The following ZFHX3 variants were observed in gnomAD, a reference collection of about 807,000 sequenced individuals.
ZFHX3 encodes zinc finger homeobox protein 3.
ZFHX3 carries 42 observed loss-of-function variants against 279.1 expected under a neutral mutation model. The ratio of observed to expected loss-of-function variants is 0.15; its 90% CI spans 0.12 to 0.19. ZFHX3 has a LOEUF of 0.19. Among genes scored for constraint, ZFHX3 ranks in the 10% least tolerant of loss-of-function variants. The probability of loss-of-function intolerance (pLI) is 1.00; values close to 1 mark genes in which losing one functional copy is unlikely to be tolerated. For missense variants in ZFHX3, 4,981 were observed against 4,754.0 expected, an observed-to-expected ratio of 1.05 and a Z score of -1.40; for synonymous variants, 2,293 against 1,957.8, an observed-to-expected ratio of 1.17 and a Z score of -4.52.
chr16:72,972,779 C>T (rs1316386632), intron 1 of ZFHX3, among the ~76,000 whole-genome samples: 1 of 152,082 alleles, frequency 6.6e-6, no homozygotes, highest in Non-Finnish European at 1.5e-5. Flanking sequence ...GAAATCTTCC[C>T]CCACTTCACT....
intron 4 of ZFHX3, among the ~76,000 whole-genome samples, chr16:73,273,903 G>A (rs148706113): frequency 0.021 from 3,124 of 152,322 alleles, 46 homozygotes; most frequent in Middle Eastern, 0.044. Flanking sequence ...AGCACTTTGG[G>A]AGGCCGAGGC....
chr16:72,986,543 A>G (rs929334598), intron 1 of ZFHX3, among the ~76,000 whole-genome samples: 1 of 152,194 alleles, frequency 6.6e-6, no homozygotes, highest in South Asian at 2.1e-4. Context: ...TATCATGCCC[A>G]AGGCACCCAT....
intron 9 of ZFHX3, 88 bp from the exon 10 acceptor site, chr16:72,788,936 C>G: frequency 1.3e-6 from 2 of 1,485,556 alleles, no homozygotes; most frequent in East Asian, 4.6e-5. Context: ...CACTGGCACA[C>G]AGTTTGAGAT....
At chr16:73,856,021 A>G (rs367688799) in intron 1 of ZFHX3, among the ~76,000 whole-genome samples, 1 of 152,226 alleles carries the variant, frequency 6.6e-6, no homozygotes, top group South Asian at 2.1e-4. Flanking sequence ...GGAGCCACTA[A>G]AAAAATCAGG....
At chr16:73,765,656 A>G (rs1266776221) in intron 1 of ZFHX3, among the ~76,000 whole-genome samples, 1 of 152,266 alleles carries the variant, frequency 6.6e-6, no homozygotes, top group African/African-American at 2.4e-5. Flanking sequence ...AAGGCCAGTT[A>G]TCAGTCCAAA....
At chr16:73,323,722 G>C (rs1395002971) in intron 3 of ZFHX3, among the ~76,000 whole-genome samples, 1 of 152,182 alleles carries the variant, frequency 6.6e-6, no homozygotes. Context: ...GTCAGGAAAA[G>C]GGAGGAGGAG....
intron 1 of ZFHX3, among the ~76,000 whole-genome samples, chr16:73,883,848 T>C (rs1239849494): frequency 6.6e-6 from 1 of 151,994 alleles, no homozygotes; most frequent in Non-Finnish European, 1.5e-5. Flanking sequence ...TCTCCATAAG[T>C]GAGTAGGACA....
chr16:73,562,487 T>C (rs113511624), intron 2 of ZFHX3, among the ~76,000 whole-genome samples: 1 of 150,706 alleles, frequency 6.6e-6, no homozygotes. Flanking sequence ...TCCCAGCTAC[T>C]CCGGAGGCTG....
chr16:73,881,200 G>T (rs1455396407), intron 1 of ZFHX3, among the ~76,000 whole-genome samples: 1 of 152,024 alleles, frequency 6.6e-6, no homozygotes, highest in African/African-American at 2.4e-5. Flanking sequence ...CAGCTTGTGC[G>T]GTCCGCTGAT....
At chr16:73,416,753 A>T (rs1384838235) in intron 3 of ZFHX3, among the ~76,000 whole-genome samples, 3 of 146,386 alleles carry the variant, frequency 2.0e-5, no homozygotes, top group African/African-American at 7.3e-5. Context: ...GGGCGCCTGT[A>T]GTCCCAGCTA....
chr16:73,252,603 A>G (rs2013543161), intron 5 of ZFHX3, among the ~76,000 whole-genome samples: 1 of 152,178 alleles, frequency 6.6e-6, no homozygotes, highest in Non-Finnish European at 1.5e-5. Context: ...TCAGAGCCCC[A>G]TGCAGAAGCA....
At chr16:73,293,792 G>A (rs1176084696) in intron 4 of ZFHX3, 1 of 152,208 alleles carries the variant, frequency 6.6e-6, no homozygotes, top group Admixed American at 6.5e-5. Context: ...CACTGGAGCT[G>A]AAGCAGTATT....
intron 3 of ZFHX3, among the ~76,000 whole-genome samples, chr16:73,396,294 C>G (rs146695925): frequency 6.6e-6 from 1 of 152,296 alleles, no homozygotes; most frequent in East Asian, 1.9e-4. Context: ...ATATCTTGCA[C>G]GGTGCAAGTA....
chr16:73,052,208 T>C (rs928311415), upstream of ZFHX3, among the ~76,000 whole-genome samples: 1 of 140,776 alleles, frequency 7.1e-6, no homozygotes, highest in Non-Finnish European at 1.5e-5. Flanking sequence ...TTTATACAAA[T>C]TGTAGATTTA....
At chr16:73,253,155 C>A (rs1463010161) in intron 5 of ZFHX3, among the ~76,000 whole-genome samples, 1 of 152,096 alleles carries the variant, frequency 6.6e-6, no homozygotes, top group Admixed American at 6.5e-5. Flanking sequence ...AACGTTTGCT[C>A]AAGGACTCCT....
At chr16:72,834,569 G>C (rs1012235100) in intron 4 of ZFHX3, among the ~76,000 whole-genome samples, 2 of 152,204 alleles carry the variant, frequency 1.3e-5, no homozygotes, top group Non-Finnish European at 2.9e-5. Flanking sequence ...AAAGGTGACT[G>C]CACAATTCCC....
At chr16:73,084,514 A>ATTTT (rs34134596) in intron 8 of ZFHX3, among the ~76,000 whole-genome samples, 4 of 92,638 alleles carry the variant, frequency 4.3e-5, no homozygotes, top group Admixed American at 1.4e-4. Context: ...CTAGGACTAA[A>ATTTT]TTTTTTTTTT....
rs978719665 is a variant in ZFHX3 at position 73,478,100 on chromosome 16, G to A, written c.-1546-21842C>T. 3.3e-5 allele frequency among the ~76,000 whole-genome samples: 5 copies of A among 151,968 alleles called. 1 individual carries two copies. In the South Asian group the frequency reaches 1.0e-3, roughly 32 times the overall value. On this transcript the variant is annotated intron_variant, in intron 2 of 17. Transcript: ENST00000641206. ...ATCCTGGCCAACATGGTGAAACCCC[G>A]TCTCTACTAAAAATACAAAACCTAG...
intron 1 of ZFHX3, among the ~76,000 whole-genome samples, chr16:73,683,227 G>A (rs1388945276): frequency 6.6e-6 from 1 of 152,196 alleles, no homozygotes; most frequent in Admixed American, 6.5e-5. Context: ...CAAGTCTTGT[G>A]AAATAGTAGA....
Sources: gnomAD v4.1 joint callset for allele counts (sites outside exome capture counted in the v4.1 genomes callset) on GRCh38, gnomAD v4.1.1 for gene constraint, MANE v1.5 for transcripts, NCBI Gene and HGNC (gene_info 2026-07-23, HGNC 2026-07-21) for gene names.